ZNF143: variants seen among roughly 807,000 people sequenced by gnomAD.
The protein encoded by ZNF143 is SPH-binding factor.
In ZNF143, 49 loss-of-function variants were observed where a neutral mutation model predicts 74.1. That is an observed-to-expected ratio of 0.66 (90% CI 0.53 to 0.84). ZNF143 has a LOEUF of 0.84. Among genes scored for constraint, ZNF143 ranks in the 40% least tolerant of loss-of-function variants. ZNF143 has a pLI of 0.00. For missense variants in ZNF143, 637 were observed against 793.4 expected, an observed-to-expected ratio of 0.80 and a Z score of 2.37; for synonymous variants, 304 against 282.8, an observed-to-expected ratio of 1.07 and a Z score of -0.75.
chr11:9,482,804 G>C (rs1029605224), intron 7 of ZNF143, among the ~76,000 whole-genome samples: 1 of 151,318 alleles, frequency 6.6e-6, no homozygotes, highest in Non-Finnish European at 1.5e-5. Context: ...ATTGAGATGT[G>C]CTGTAAGTGG....
rs1489108485 is a variant in ZNF143, at chr11:9,501,197, C to T, written c.1074C>T (p.Tyr358=). The T allele has an allele frequency of 3.7e-6, 6 of 1,614,048 alleles. No homozygotes were observed. The highest frequency in any genetic ancestry group is 3.3e-5 in the South Asian group (3 of 91,090). The stretch of plus-strand genomic sequence containing the variant: ...CACACACAGGAGAAAGACCTTATTA[C>T]TGCACAGAGCCAGGATGTGGGAGGG... ...VRTHTGERPY[Y]CTEPGCGRAF... Residue 358 remains tyrosine, a synonymous_variant, in exon 11 of 16, where the codon TAC becomes TAT. Coordinates refer to ENST00000396602, the MANE Select transcript of ZNF143 (RefSeq NM_003442.6).
intron 2 of ZNF143, among the ~76,000 whole-genome samples, chr11:9,472,427 T>A (rs918887877): frequency 6.6e-6 from 1 of 152,108 alleles, no homozygotes; most frequent in Non-Finnish European, 1.5e-5. Context: ...CTAATTTTTA[T>A]ATTTTTAGTA....
chr11:9,468,423 C>G (rs1306127397), intron 1 of ZNF143, among the ~76,000 whole-genome samples: 1 of 152,160 alleles, frequency 6.6e-6, no homozygotes, highest in Non-Finnish European at 1.5e-5. Context: ...TCAGGCTCTA[C>G]CTACCTGCCA....
At chr11:9,471,441 G>T in intron 2 of ZNF143, 21 bp downstream of exon 2, 1 of 1,512,472 alleles carries the variant, frequency 6.6e-7, no homozygotes, top group Admixed American at 2.2e-5. Flanking sequence ...GTGTTTGAAG[G>T]GATGCGTTTG....
At chr11:9,475,965 T>G (rs1256622739) in intron 5 of ZNF143, among the ~76,000 whole-genome samples, 1 of 150,032 alleles carries the variant, frequency 6.7e-6, no homozygotes, top group East Asian at 2.0e-4. Flanking sequence ...TATAAAATTT[T>G]TAAAGCAAGG....
rs573865141 is a variant in ZNF143, at chr11:9,525,133, G to T, written c.1687-107G>T. ...CTTTGACAAGTCTATGGTCAGAGGA[G>T]TTTTTCCTTTTCAATTTGAAGAAAT... On this transcript the variant is annotated intron_variant, in intron 14 of 15. Coordinates refer to ENST00000396602, the MANE Select transcript of ZNF143 (RefSeq NM_003442.6). 1.3e-4 allele frequency: 177 copies of T among 1,333,940 alleles called. 2 individuals are homozygous for T. The highest frequency in any genetic ancestry group is 8.3e-4 in the Admixed American group (41 of 49,222). The allele number at this position is 1,333,940 out of a possible 1,614,324, so 82.6% of individuals were successfully genotyped here. A position where few individuals can be genotyped will look rare whatever the true frequency, so the allele number is the denominator to read the frequency against.
At chr11:9,479,112 C>T (rs2133920127) in intron 6 of ZNF143, among the ~76,000 whole-genome samples, 1 of 151,832 alleles carries the variant, frequency 6.6e-6, no homozygotes, top group East Asian at 1.9e-4. Context: ...ATGTATCTCT[C>T]ATATAACTTA....
intron 15 of ZNF143, among the ~76,000 whole-genome samples, chr11:9,527,177 G>T (rs1849160666): frequency 1.3e-5 from 2 of 152,128 alleles, no homozygotes; most frequent in Admixed American, 1.3e-4. Context: ...TTGCCATGTT[G>T]CTCAGGCTGG....
Position 9,501,138 on chromosome 11 carries a change from A to C in ZNF143, c.1015A>C (p.Thr339Pro). The change falls in exon 11 of 16, where the codon ACA (threonine) becomes CCA (proline). Residue 339 changes from threonine (T) to proline (P), a missense_variant. Transcript: ENST00000396602. The part of the protein sequence containing the change: ...CPFEGCGRSF[T>P]TSNIRKVHVR... ...CTTCGAAGGCTGCGGTCGGTCCTTT[A>C]CAACATCAAATATCAGAAAAGTGCA... 6.2e-7 allele frequency: 1 copy of C among 1,614,190 alleles called. No individual in the cohort carries two copies.
intron 14 of ZNF143, among the ~76,000 whole-genome samples, chr11:9,524,185 A>G (rs948708962): frequency 5.9e-5 from 9 of 151,962 alleles, no homozygotes; most frequent in Non-Finnish European, 1.2e-4. Flanking sequence ...CTTTAACCTT[A>G]AGTTGCCCCA....
chr11:9,487,317 C>G lies in ZNF143; in HGVS notation c.646-7329C>G, dbSNP rs529034458. On this transcript the variant is annotated intron_variant, in intron 7 of 15. Coordinates refer to ENST00000396602, the MANE Select transcript of ZNF143 (RefSeq NM_003442.6). The stretch of plus-strand genomic sequence containing the variant: ...GATAGGCCCTATGTATCTTGCACAA[C>G]GTTACATGGTGAGTTTATGGCAGAG... 1.9e-4 allele frequency among the ~76,000 whole-genome samples: 29 copies of G among 151,544 alleles called. 2 individuals are homozygous for G. Among genetic ancestry groups the G allele is most frequent in the African/African-American group, 7.1e-4 (29 of 40,950 alleles).
At chr11:9,522,596 C>T (rs893558080) in intron 14 of ZNF143, among the ~76,000 whole-genome samples, 9 of 152,070 alleles carry the variant, frequency 5.9e-5, no homozygotes, top group Non-Finnish European at 1.3e-4. Flanking sequence ...CGGGTTCAAG[C>T]GATTCTCCTG....
At position 9,479,631 on chromosome 11, in the gene ZNF143, C is replaced by T. The variant is rs1395303348; in HGVS notation, c.645+85C>T. The T allele has an allele frequency of 2.8e-6, 3 of 1,063,466 alleles. No individual in the cohort carries two copies. In the African/African-American group the frequency reaches 4.8e-5, roughly 17 times the overall value. The allele number at this position is 1,063,466 out of a possible 1,614,324, so 65.9% of individuals were successfully genotyped here. ...GATGAAAGCAAGAATAGGTAACTCA[C>T]TACCTCTCTAGGAAAATCTCACCAG... On this transcript the variant is annotated intron_variant, in intron 7 of 15. Coordinates refer to ENST00000396602, the MANE Select transcript of ZNF143 (RefSeq NM_003442.6).
intron 1 of ZNF143, chr11:9,471,083 G>A (rs936213577): frequency 2.0e-5 from 6 of 297,262 alleles, no homozygotes; most frequent in South Asian, 9.0e-5. Flanking sequence ...GTTGCTAAGC[G>A]CACTGACAAA....
At chr11:9,481,445 C>T (rs143030888) in intron 7 of ZNF143, among the ~76,000 whole-genome samples, 3 of 152,166 alleles carry the variant, frequency 2.0e-5, no homozygotes, top group Admixed American at 1.3e-4. Flanking sequence ...TCAAATCCAC[C>T]TAAGTCAACC....
chr11:9,471,406 C>T lies in ZNF143; in HGVS notation c.98C>T (p.Ala33Val). The T allele has an allele frequency of 1.2e-6, 2 of 1,604,024 alleles. No individual in the cohort carries two copies. The highest frequency in any genetic ancestry group is 1.1e-5 in the South Asian group (1 of 88,638). ...CATGTTACGCTGTGCTTGACAGAGG[C>T]AGTCACCGTGGCAGGTGAGCAGTTG... ...AQHVTLCLTE[A>V]VTVADGDNLE... is the part of the protein sequence containing the mutation. Residue 33 changes from alanine to valine, a missense_variant, in exon 2 of 16, where the codon GCA becomes GTA. Around this residue, in one of 2 missense-constraint regions of ZNF143, gnomAD observed 293 missense variants for 307.8 expected, o/e 0.95. Coordinates refer to ENST00000396602, the MANE Select transcript of ZNF143 (RefSeq NM_003442.6).
chr11:9,484,145 A>G (rs1847363059), intron 7 of ZNF143, among the ~76,000 whole-genome samples: 1 of 151,478 alleles, frequency 6.6e-6, no homozygotes, highest in African/African-American at 2.4e-5. Context: ...ACCATTCTCT[A>G]AAATGATTAA....
At chr11:9,476,920 C>T (rs1172101934) in intron 5 of ZNF143, among the ~76,000 whole-genome samples, 2 of 150,874 alleles carry the variant, frequency 1.3e-5, no homozygotes, top group Non-Finnish European at 3.0e-5. Flanking sequence ...CCACCATGCC[C>T]GGCTAATTTT....
At chr11:9,487,535 T>A (rs978630333) in intron 7 of ZNF143, among the ~76,000 whole-genome samples, 3 of 151,460 alleles carry the variant, frequency 2.0e-5, no homozygotes, top group Non-Finnish European at 4.4e-5. Flanking sequence ...TTTTTTGTAT[T>A]TTTAGTAGAG....
Sources: gnomAD v4.1 joint callset for allele counts (sites outside exome capture counted in the v4.1 genomes callset) on GRCh38, gnomAD v4.1.1 for gene constraint, gnomAD v4.1.1 regional missense constraint, MANE v1.5 for transcripts, NCBI Gene and HGNC (gene_info 2026-07-23, HGNC 2026-07-21) for gene names.